Variants in FNIP1 observed in about 807,000 individuals in gnomAD.
FNIP1 encodes folliculin-interacting protein 1.
In FNIP1, 40 loss-of-function variants were observed where a neutral mutation model predicts 124.5. The ratio of observed to expected loss-of-function variants is 0.32; its 90% confidence interval spans 0.25 to 0.42. The LOEUF (loss-of-function observed/expected upper bound fraction) is 0.42, where lower values mean the gene tolerates loss of function less well. FNIP1 is among the 10% of genes least tolerant of loss of function. FNIP1 has a pLI of 1.00. For missense variants in FNIP1, 1,176 were observed against 1,403.7 expected, an observed-to-expected ratio of 0.84 and a Z score of 2.59; for synonymous variants, 472 against 470.6, an observed-to-expected ratio of 1.00 and a Z score of -0.04.
chr5:131,688,022 C>T (rs1768339765), intron 11 of FNIP1, among the ~76,000 whole-genome samples: 1 of 151,936 alleles, frequency 6.6e-6, no homozygotes. Context: ...CCTCGCTGGC[C>T]TCTGGAAAGA....
chr5:131,744,274 G>A (rs767566936), intron 2 of FNIP1, among the ~76,000 whole-genome samples: 3 of 151,776 alleles, frequency 2.0e-5, no homozygotes, highest in Non-Finnish European at 4.4e-5. Context: ...AAGTTCTGCT[G>A]AGCTGTTGTC....
At chr5:131,689,301 C>T (rs1199934147) in intron 11 of FNIP1, among the ~76,000 whole-genome samples, 1 of 152,048 alleles carries the variant, frequency 6.6e-6, no homozygotes, top group Non-Finnish European at 1.5e-5. Context: ...AAAAAAATGA[C>T]ATTTAATATA....
At chr5:131,787,870 A>C (rs891424995) in intron 1 of FNIP1, among the ~76,000 whole-genome samples, 1 of 152,022 alleles carries the variant, frequency 6.6e-6, no homozygotes, top group South Asian at 2.1e-4. Flanking sequence ...CAACACTTTG[A>C]GAGGCCAACG....
At chr5:131,691,378 T>C (rs1768475055) in intron 11 of FNIP1, among the ~76,000 whole-genome samples, 1 of 152,144 alleles carries the variant, frequency 6.6e-6, no homozygotes, top group Admixed American at 6.5e-5. Context: ...TGAATACATA[T>C]ATTAGAAAAG....
chr5:131,692,508 C>T (rs1768516241), intron 11 of FNIP1, among the ~76,000 whole-genome samples: 1 of 152,030 alleles, frequency 6.6e-6, no homozygotes, highest in Non-Finnish European at 1.5e-5. Flanking sequence ...AACACAATCC[C>T]AATGAGAATC....
At chr5:131,685,404 A>G (rs1768238576) in intron 11 of FNIP1, among the ~76,000 whole-genome samples, 1 of 151,990 alleles carries the variant, frequency 6.6e-6, no homozygotes, top group Non-Finnish European at 1.5e-5. Context: ...CTTTTATATT[A>G]CTGGCATAAT....
At chr5:131,680,296 C>T (rs1282389010) in intron 11 of FNIP1, among the ~76,000 whole-genome samples, 1 of 152,132 alleles carries the variant, frequency 6.6e-6, no homozygotes, top group African/African-American at 2.4e-5. Context: ...ATTATCTTGC[C>T]TCTACAAATT....
intron 15 of FNIP1, among the ~76,000 whole-genome samples, chr5:131,659,348 C>T (rs1487319677): frequency 6.6e-6 from 1 of 152,154 alleles, no homozygotes. Flanking sequence ...CGCCTCAGGG[C>T]AGCAGGATAG....
chr5:131,653,511 C>T (rs1353206592), intron 15 of FNIP1, among the ~76,000 whole-genome samples: 1 of 151,536 alleles, frequency 6.6e-6, no homozygotes, highest in Non-Finnish European at 1.5e-5. Context: ...TGCACTCTAG[C>T]CTGGGCAACA....
At chr5:131,654,434 C>T (rs1437131047) in intron 15 of FNIP1, among the ~76,000 whole-genome samples, 10 of 152,164 alleles carry the variant, frequency 6.6e-5, no homozygotes, top group Admixed American at 6.5e-4. Flanking sequence ...AAAGTTTACT[C>T]CTGGATAAGC....
At chr5:131,689,776 C>CT (rs1768412296) in intron 11 of FNIP1, among the ~76,000 whole-genome samples, 1 of 152,046 alleles carries the variant, frequency 6.6e-6, no homozygotes, top group South Asian at 2.1e-4. Context: ...AAATAGAAAA[C>CT]TATTACAAAT....
intron 2 of FNIP1, among the ~76,000 whole-genome samples, chr5:131,737,905 T>C (rs1334042203): frequency 6.6e-6 from 1 of 152,340 alleles, no homozygotes; most frequent in East Asian, 1.9e-4. Flanking sequence ...GCCAACCTTT[T>C]TGGCACCAGG....
intron 15 of FNIP1, among the ~76,000 whole-genome samples, chr5:131,670,043 G>GAAAAATGAATAGACTA (rs1309855829): frequency 1.3e-5 from 2 of 151,938 alleles, no homozygotes; most frequent in African/African-American, 4.8e-5. Flanking sequence ...AACCTATACA[G>GAAAAATGAATAGACTA]AAAAATGAAT....
intron 12 of FNIP1, 111 bp from the exon 13 acceptor site, chr5:131,677,983 C>A: frequency 2.0e-6 from 2 of 1,015,088 alleles, no homozygotes; most frequent in South Asian, 2.0e-5. Context: ...GGCCAAATGG[C>A]ACCAAAAAAA....
Position 131,704,012 on chromosome 5 carries a change from T to C in FNIP1, c.1116+53A>G, listed in dbSNP as rs982605211. The C allele has an allele frequency of 4.3e-6, 6 of 1,393,226 alleles. No homozygotes were observed. The African/African-American group carries it at 4.4e-5, about 10-fold the overall frequency. 86.3% of individuals were successfully genotyped at this position (1,393,226 alleles called of 1,614,324 possible). ...CCAAATTAATAAATATAATGCTTAA[T>C]TGGGAGAATAAGATTTTAAAAGGAA... On this transcript the variant is annotated intron_variant, in intron 10 of 17. Coordinates refer to ENST00000510461, the MANE Select transcript of FNIP1 (RefSeq NM_133372.3).
At chr5:131,737,997 T>A (rs888484350) in intron 2 of FNIP1, among the ~76,000 whole-genome samples, 1 of 152,186 alleles carries the variant, frequency 6.6e-6, no homozygotes, top group African/African-American at 2.4e-5. Context: ...CTGTTCCACC[T>A]CAGATCAGCA....
chr5:131,753,155 C>T (rs1304753764), intron 1 of FNIP1, among the ~76,000 whole-genome samples: 3 of 152,126 alleles, frequency 2.0e-5, no homozygotes, highest in African/African-American at 4.8e-5. Context: ...CTAATAACAC[C>T]AGTGGTTGGT....
chr5:131,737,614 A>G (rs1323788361), intron 2 of FNIP1, among the ~76,000 whole-genome samples: 1 of 152,190 alleles, frequency 6.6e-6, no homozygotes, highest in East Asian at 1.9e-4. Flanking sequence ...AAACATTGTC[A>G]TCCTTTAACC....
chr5:131,716,596 G>A lies in FNIP1; in HGVS notation c.591C>T (p.Asn197=). ...QDNNTLKADN[N]TVINGLLGNI... is the part of the protein sequence containing the mutation. ...TTCCAAGCAGTCCATTAATAACTGT[G>A]TTATTATCAGCCTTTAATGTATTGT... The change falls in exon 6 of 18, where the codon AAC becomes AAT. Residue 197 remains asparagine (N), a synonymous_variant. Transcript: ENST00000510461. 2 of 1,606,062 alleles carry A rather than the reference G, an allele frequency of 1.2e-6. No individual in the cohort carries two copies. Among genetic ancestry groups the A allele is most frequent in the Non-Finnish European group, 1.7e-6 (2 of 1,176,282 alleles).
Sources: allele counts gnomAD v4.1 joint callset (sites outside exome capture counted in the v4.1 genomes callset), GRCh38; gene constraint gnomAD v4.1.1; transcripts MANE v1.5; gene names NCBI Gene and HGNC (gene_info 2026-07-23, HGNC 2026-07-21).